SPAG16: variants seen among roughly 807,000 people sequenced by gnomAD.
SPAG16 encodes the protein sperm-associated antigen 16 protein.
Under a neutral mutation model 80.4 loss-of-function variants are expected in SPAG16, and 86 were observed. The observed-to-expected ratio is 1.07, with a 90% CI of 0.90 to 1.28. SPAG16 has a LOEUF of 1.28. SPAG16 is among the 50% of genes most tolerant of loss of function. SPAG16 has a pLI of 0.00. For synonymous variants in SPAG16, 294 were observed against 265.9 expected, an observed-to-expected ratio of 1.11 and a Z score of -1.03; for missense variants, 870 against 765.3, an observed-to-expected ratio of 1.14 and a Z score of -1.61.
Position 213,776,364 on chromosome 2 carries a change from T to A in SPAG16, c.1071-86121T>A, listed in dbSNP as rs569581729. Among the ~76,000 whole-genome samples, 5 of 152,280 alleles carry A rather than the reference T, an allele frequency of 3.3e-5. No homozygotes were observed. In the South Asian group the frequency reaches 1.0e-3, roughly 32 times the overall value. ...GCTATAAGCTAAGGAATGTGGGTGA[T>A]CACTAGAAGTTGGAAACAGCAAGGA... On this transcript the variant is annotated intron_variant, in intron 10 of 15. Transcript: ENST00000331683.
At chr2:213,869,262 A>AAAAAAAAAT (rs2075839214) in intron 11 of SPAG16, among the ~76,000 whole-genome samples, 1 of 12,330 alleles carries the variant, frequency 8.1e-5, no homozygotes. Flanking sequence ...TCAAAAAAAA[A>AAAAAAAAAT]AAATATATAT....
In SPAG16 at chr2:213,303,401, C is replaced by G. The variant is rs1451871442; in HGVS notation, c.279+6044C>G. Reference sequence around the variant, plus strand: ...CAAGCATTTATATTTCTTTATATTACAAACAATCCAATTATACTCATTAAT... The same window carrying G: ...CAAGCATTTATATTTCTTTATATTAGAAACAATCCAATTATACTCATTAAT... On this transcript the variant is annotated intron_variant, in intron 3 of 15. Transcript: ENST00000331683. Among the ~76,000 whole-genome samples, 4 of 151,966 alleles carry G rather than the reference C, an allele frequency of 2.6e-5. No individual in the cohort carries two copies. In the East Asian group the frequency reaches 7.7e-4, roughly 29 times the overall value.
At chr2:213,473,348 A>T (rs184942247) in intron 9 of SPAG16, among the ~76,000 whole-genome samples, 1 of 152,158 alleles carries the variant, frequency 6.6e-6, no homozygotes, top group Non-Finnish European at 1.5e-5. Flanking sequence ...AATTTTGTAG[A>T]TGAGAACTGC....
chr2:214,111,190 C>A (rs989690078), intron 14 of SPAG16, among the ~76,000 whole-genome samples: 6 of 152,110 alleles, frequency 3.9e-5, no homozygotes, highest in African/African-American at 1.4e-4. Context: ...GTGTTTTAGT[C>A]GTGAAGTTCT....
chr2:214,107,173 C>T (rs770029923), intron 13 of SPAG16, among the ~76,000 whole-genome samples: 2 of 152,160 alleles, frequency 1.3e-5, no homozygotes, highest in South Asian at 4.1e-4. Flanking sequence ...ACAATTTCTT[C>T]TCTTCAGACT....
At chr2:213,408,553 C>T (rs1171099755) in intron 9 of SPAG16, among the ~76,000 whole-genome samples, 1 of 149,860 alleles carries the variant, frequency 6.7e-6, no homozygotes, top group Non-Finnish European at 1.5e-5. Context: ...TGAAAATCCC[C>T]CTAACCCAGC....
intron 15 of SPAG16, among the ~76,000 whole-genome samples, chr2:214,301,464 C>A (rs1228001571): frequency 6.6e-6 from 1 of 152,080 alleles, no homozygotes; most frequent in Non-Finnish European, 1.5e-5. Flanking sequence ...GAAGTCCTAA[C>A]CAAATCACCC....
intron 1 of SPAG16, chr2:213,285,778 G>T: frequency 1.7e-6 from 1 of 590,320 alleles, no homozygotes; most frequent in Non-Finnish European, 2.6e-6. Context: ...GAAATATATG[G>T]GTGCTTTAGT....
chr2:213,654,540 C>CAAAAAAAAAA (rs36009811), intron 10 of SPAG16, among the ~76,000 whole-genome samples: 3 of 56,734 alleles, frequency 5.3e-5, no homozygotes, highest in Non-Finnish European at 1.0e-4. Flanking sequence ...ACTAAAAATA[C>CAAAAAAAAAA]AAAAAAAAAA....
intron 10 of SPAG16, among the ~76,000 whole-genome samples, chr2:213,799,576 A>G (rs1314201174): frequency 6.6e-6 from 1 of 152,124 alleles, no homozygotes; most frequent in African/African-American, 2.4e-5. Flanking sequence ...TTTTTATTTT[A>G]ACAAATTTTT....
chr2:213,765,391 A>C (rs1483964417), intron 10 of SPAG16, among the ~76,000 whole-genome samples: 1 of 152,118 alleles, frequency 6.6e-6, no homozygotes, highest in Non-Finnish European at 1.5e-5. Context: ...ACAAAACAAA[A>C]AAAGATTAAA....
At chr2:214,043,527 T>A (rs2049149641) in intron 13 of SPAG16, among the ~76,000 whole-genome samples, 2 of 152,186 alleles carry the variant, frequency 1.3e-5, no homozygotes, top group South Asian at 4.1e-4. Context: ...TCTTTTGTAT[T>A]TTTTTCTAAA....
rs181222528 is a variant in SPAG16 at position 214,078,705 on chromosome 2, G to A, written c.1528-29491G>A. ...TTTCTGTGAAAAAATAACCCTTTGA[G>A]GAAATTTATTATAATTGATCACTTC... On this transcript the variant is annotated intron_variant, in intron 13 of 15. Transcript: ENST00000331683. Among the ~76,000 whole-genome samples the A allele has an allele frequency of 1.2e-4, 18 of 152,034 alleles. No homozygotes were observed. In the East Asian group the frequency reaches 2.5e-3, roughly 21 times the overall value.
chr2:213,925,007 A>G (rs1242835449), intron 11 of SPAG16, among the ~76,000 whole-genome samples: 1 of 151,934 alleles, frequency 6.6e-6, no homozygotes, highest in Non-Finnish European at 1.5e-5. Flanking sequence ...CATATGCTCT[A>G]TTACTATTCT....
At chr2:213,381,010 A>C (rs2067144366) in intron 9 of SPAG16, among the ~76,000 whole-genome samples, 1 of 152,168 alleles carries the variant, frequency 6.6e-6, no homozygotes. Flanking sequence ...TAATTGACTA[A>C]TATATCTATT....
intron 8 of SPAG16, among the ~76,000 whole-genome samples, chr2:213,372,080 T>C (rs1410106133): frequency 6.6e-6 from 1 of 152,134 alleles, no homozygotes. Flanking sequence ...AATATTTACA[T>C]GACACTATAC....
At chr2:213,352,381 C>G (rs2065381431) in intron 7 of SPAG16, among the ~76,000 whole-genome samples, 1 of 152,106 alleles carries the variant, frequency 6.6e-6, no homozygotes, top group Non-Finnish European at 1.5e-5. Context: ...TTTCTTTATT[C>G]TATATCCTGA....
Position 213,661,664 on chromosome 2 carries a change from G to A in SPAG16, c.1070+171574G>A, listed in dbSNP as rs188872290. ...CTTCAGGTTCTACTGCTACTTTAAT[G>A]TAAAAATTTCCTTCATCACTCATTT... On this transcript the variant is annotated intron_variant, in intron 10 of 15. Coordinates refer to ENST00000331683, the MANE Select transcript of SPAG16 (RefSeq NM_024532.5). Among the ~76,000 whole-genome samples the A allele has an allele frequency of 2.9e-3, 445 of 152,274 alleles. 1 individual carries two copies. Among genetic ancestry groups the A allele is most frequent in the Non-Finnish European group, 5.1e-3 (347 of 68,002 alleles).
intron 12 of SPAG16, among the ~76,000 whole-genome samples, chr2:214,000,234 A>G (rs2046729369): frequency 6.6e-6 from 1 of 152,094 alleles, no homozygotes; most frequent in Non-Finnish European, 1.5e-5. Flanking sequence ...GATCATTTGA[A>G]TTATCAGAGC....
Sources: allele counts gnomAD v4.1 joint callset (sites outside exome capture counted in the v4.1 genomes callset), GRCh38; gene constraint gnomAD v4.1.1; transcripts MANE v1.5; gene names NCBI Gene and HGNC (gene_info 2026-07-23, HGNC 2026-07-21).